PARD3B: variants seen among roughly 807,000 people sequenced by gnomAD.
PARD3B encodes par-3 family cell polarity regulator beta, also known as partitioning defective 3 homolog B.
PARD3B carries 103 observed loss-of-function variants against 130.2 expected under a neutral mutation model. The observed-to-expected ratio is 0.79, with a 90% CI of 0.67 to 0.93. The LOEUF is 0.93. Among genes scored for constraint, PARD3B ranks in the 40% least tolerant of loss-of-function variants. The pLI is 0.00. For missense variants in PARD3B, 1,609 were observed against 1,499.2 expected (o/e 1.07, Z -1.21); for synonymous variants, 583 against 553.2 (o/e 1.05, Z -0.76).
rs114790087 is a variant in PARD3B, at chr2:205,388,622, G to T, written c.2631-12391G>T. On this transcript the variant is annotated intron_variant, in intron 18 of 22. Coordinates refer to ENST00000406610, the MANE Select transcript of PARD3B (RefSeq NM_001302769.2). Reference sequence around the variant, plus strand: ...TTGTTGTTTAATTCTGGATATATTTGCTTTAGTGATATTATGCTGCTGGAG... The same window carrying T: ...TTGTTGTTTAATTCTGGATATATTTTCTTTAGTGATATTATGCTGCTGGAG... 2.5e-3 allele frequency among the ~76,000 whole-genome samples: 385 copies of T among 152,166 alleles called. 2 individuals carry two copies. Among genetic ancestry groups the T allele is most frequent in the African/African-American group, 9.1e-3 (376 of 41,528 alleles).
chr2:205,245,693 T>C, intron 15 of PARD3B, 85 bp from the exon 16 acceptor site: 10 of 1,090,640 alleles, frequency 9.2e-6, no homozygotes, highest in Non-Finnish European at 1.4e-5. Flanking sequence ...TTTAACTTAT[T>C]ATGAATCTGC....
chr2:205,184,471 G>A (rs1029236190), intron 13 of PARD3B, among the ~76,000 whole-genome samples: 18 of 152,208 alleles, frequency 1.2e-4, no homozygotes, highest in Admixed American at 2.6e-4. Context: ...GGCCCGGCGC[G>A]GTGGCTCACG....
chr2:205,543,226 C>T (rs1469006781), intron 21 of PARD3B, among the ~76,000 whole-genome samples: 4 of 151,894 alleles, frequency 2.6e-5, no homozygotes, highest in Non-Finnish European at 5.9e-5. Context: ...AGACTGATAC[C>T]ATGTATGAAT....
At chr2:205,447,862 C>G (rs1047738314) in intron 20 of PARD3B, among the ~76,000 whole-genome samples, 3 of 152,170 alleles carry the variant, frequency 2.0e-5, no homozygotes, top group Admixed American at 6.5e-5. Context: ...TAGAAATGCC[C>G]ACTTTTTACC....
rs115493459 is a variant in PARD3B, at chr2:204,647,464, A to G, written c.121-38717A>G. On this transcript the variant is annotated intron_variant, in intron 1 of 22. Transcript: ENST00000406610. ...GTATGTGGTTTATACCTTTTGTCTT[A>G]TTTGCATATTTTTTTGACATTTCAT... Among the ~76,000 whole-genome samples, 354 of 150,906 alleles carry G rather than the reference A, an allele frequency of 2.3e-3. 2 individuals carry two copies. The highest frequency in any genetic ancestry group is 8.2e-3 in the African/African-American group (340 of 41,240).
rs547380146 is a variant in PARD3B at position 204,985,703 on chromosome 2, C to T, written c.394+20380C>T. 3.3e-5 allele frequency among the ~76,000 whole-genome samples: 5 copies of T among 152,224 alleles called. No homozygotes were observed. In the South Asian group the frequency reaches 1.0e-3, roughly 32 times the overall value. On this transcript the variant is annotated intron_variant, in intron 3 of 22. Coordinates refer to ENST00000406610, the MANE Select transcript of PARD3B (RefSeq NM_001302769.2). ...AAAGAAGTGGAGACAATTGATGAAG[C>T]CCCGTGTACCAAGCTGGTTTCATAT...
At chr2:204,893,849 G>A (rs147847765) in intron 2 of PARD3B, among the ~76,000 whole-genome samples, 54 of 152,204 alleles carry the variant, frequency 3.5e-4, no homozygotes, top group African/African-American at 1.2e-3. Context: ...AAGAGCTGTT[G>A]TTGAAAGTAA....
intron 2 of PARD3B, among the ~76,000 whole-genome samples, chr2:204,715,728 C>G (rs2038689275): frequency 6.6e-6 from 1 of 152,158 alleles, no homozygotes; most frequent in Non-Finnish European, 1.5e-5. Context: ...GAGGCATCTG[C>G]TTACTGCTGA....
intron 2 of PARD3B, among the ~76,000 whole-genome samples, chr2:204,947,549 TCCCC>T (rs1689428640): frequency 1.5e-4 from 1 of 6,672 alleles, no homozygotes; most frequent in East Asian, 7.0e-3. Flanking sequence ...TTCCCTCCCC[TCCCC>T]TCCCTCCCCT....
At chr2:204,621,052 G>A (rs1022020187) in intron 1 of PARD3B, among the ~76,000 whole-genome samples, 2 of 152,206 alleles carry the variant, frequency 1.3e-5, no homozygotes, top group Non-Finnish European at 2.9e-5. Context: ...AAGCTTATAT[G>A]TACCTCTGTG....
intron 1 of PARD3B, among the ~76,000 whole-genome samples, chr2:204,650,645 G>A (rs1464885324): frequency 6.6e-6 from 1 of 152,114 alleles, no homozygotes; most frequent in Non-Finnish European, 1.5e-5. Flanking sequence ...ACTAACACAG[G>A]AACAGAAAAC....
chr2:204,935,373 C>CA (rs3067765), intron 2 of PARD3B, among the ~76,000 whole-genome samples: 1,760 of 129,002 alleles, frequency 0.014, 33 homozygotes, highest in East Asian at 0.074. Flanking sequence ...ACTAAAAATA[C>CA]AAAAAAAAAA....
chr2:205,402,736 A>T (rs1220753637), intron 19 of PARD3B, among the ~76,000 whole-genome samples: 1 of 152,156 alleles, frequency 6.6e-6, no homozygotes, highest in Non-Finnish European at 1.5e-5. Flanking sequence ...AATTTTCTTA[A>T]AATATGTCTG....
At chr2:204,608,175 G>A (rs184532621) in intron 1 of PARD3B, among the ~76,000 whole-genome samples, 36 of 152,222 alleles carry the variant, frequency 2.4e-4, no homozygotes, top group Non-Finnish European at 5.9e-5. Context: ...TTTAATTTTA[G>A]GCATTTTAAA....
intron 1 of PARD3B, among the ~76,000 whole-genome samples, chr2:204,621,715 A>G (rs892713492): frequency 6.6e-6 from 1 of 152,220 alleles, no homozygotes; most frequent in Non-Finnish European, 1.5e-5. Context: ...TCTGCCCATT[A>G]TCTTAAACAA....
chr2:204,587,963 T>C (rs1466734256), intron 1 of PARD3B, among the ~76,000 whole-genome samples: 4 of 152,178 alleles, frequency 2.6e-5, no homozygotes, highest in Non-Finnish European at 5.9e-5. Context: ...TGCTGAACTG[T>C]GAGTCAATTA....
intron 2 of PARD3B, among the ~76,000 whole-genome samples, chr2:204,802,016 T>A (rs1182151854): frequency 6.6e-6 from 1 of 152,220 alleles, no homozygotes; most frequent in Non-Finnish European, 1.5e-5. Context: ...TTTATTGATT[T>A]GCATATGTTG....
At chr2:205,228,287 T>G (rs1465205772) in intron 15 of PARD3B, among the ~76,000 whole-genome samples, 1 of 152,216 alleles carries the variant, frequency 6.6e-6, no homozygotes, top group Non-Finnish European at 1.5e-5. Flanking sequence ...GTAGGACACA[T>G]CTGGTGTAGA....
intron 19 of PARD3B, among the ~76,000 whole-genome samples, chr2:205,402,060 A>G (rs973212094): frequency 1.3e-5 from 2 of 152,336 alleles, no homozygotes; most frequent in African/African-American, 4.8e-5. Context: ...TTTCTAGCAC[A>G]GAGGAGTCTA....
Sources: allele counts gnomAD v4.1 joint callset (sites outside exome capture counted in the v4.1 genomes callset), GRCh38; gene constraint gnomAD v4.1.1; transcripts MANE v1.5; gene names NCBI Gene and HGNC (gene_info 2026-07-23, HGNC 2026-07-21).